CNTNAP2: variants seen among roughly 807,000 people sequenced by gnomAD.
The protein encoded by CNTNAP2 is contactin-associated protein-like 2.
CNTNAP2 carries 98 observed loss-of-function variants against 155.2 expected under a neutral mutation model. The ratio of observed to expected loss-of-function variants is 0.63; its 90% CI spans 0.54 to 0.75. CNTNAP2 has a LOEUF of 0.75. Among genes scored for constraint, CNTNAP2 ranks in the 30% least tolerant of loss-of-function variants. The pLI is 0.00. For missense variants in CNTNAP2, 1,727 were observed against 1,688.1 expected (o/e 1.02, Z -0.40); for synonymous variants, 651 against 631.2 (o/e 1.03, Z -0.47).
chr7:146,764,699 A>G (rs1180682609), intron 1 of CNTNAP2, among the ~76,000 whole-genome samples: 1 of 152,142 alleles, frequency 6.6e-6, no homozygotes, highest in Non-Finnish European at 1.5e-5. Flanking sequence ...GTACATGCAG[A>G]CCAGACAATT....
intron 4 of CNTNAP2, among the ~76,000 whole-genome samples, chr7:147,097,939 C>T (rs1170770613): frequency 6.6e-6 from 1 of 152,170 alleles, no homozygotes; most frequent in Non-Finnish European, 1.5e-5. Context: ...TCAGCCACAA[C>T]TGTAAATTTT....
intron 1 of CNTNAP2, among the ~76,000 whole-genome samples, chr7:146,387,355 T>G (rs1040326764): frequency 6.6e-6 from 1 of 152,080 alleles, no homozygotes; most frequent in African/African-American, 2.4e-5. Context: ...CTGCCCCAGG[T>G]GACTCACAGA....
At chr7:146,452,473 T>C (rs944477765) in intron 1 of CNTNAP2, among the ~76,000 whole-genome samples, 3 of 152,184 alleles carry the variant, frequency 2.0e-5, no homozygotes, top group African/African-American at 7.2e-5. Flanking sequence ...TACATTGAGG[T>C]ACGGTATAAA....
intron 8 of CNTNAP2, among the ~76,000 whole-genome samples, chr7:147,194,685 G>A (rs994003774): frequency 1.7e-4 from 26 of 152,088 alleles, no homozygotes; most frequent in Non-Finnish European, 2.4e-4. Flanking sequence ...GTGACGTTGA[G>A]CTTTTTTTCA....
chr7:147,607,740 A>G (rs1188451716), intron 12 of CNTNAP2, among the ~76,000 whole-genome samples: 3 of 152,188 alleles, frequency 2.0e-5, no homozygotes, highest in African/African-American at 7.2e-5. Context: ...AAAGCTTTTC[A>G]GGTAACGGTG....
At chr7:146,524,576 A>G (rs763250556) in intron 1 of CNTNAP2, among the ~76,000 whole-genome samples, 3 of 152,098 alleles carry the variant, frequency 2.0e-5, no homozygotes, top group Non-Finnish European at 4.4e-5. Context: ...TATGTTTCTC[A>G]ACATAAAATA....
intron 9 of CNTNAP2, among the ~76,000 whole-genome samples, chr7:147,302,166 G>C (rs1196318733): frequency 6.6e-6 from 1 of 152,186 alleles, no homozygotes; most frequent in African/African-American, 2.4e-5. Context: ...AATATGATTG[G>C]CTTATGGCCA....
chr7:147,985,115 AAAATAAATAAATAAAT>A (rs111265967), intron 15 of CNTNAP2, among the ~76,000 whole-genome samples: 1 of 145,472 alleles, frequency 6.9e-6, no homozygotes, highest in Non-Finnish European at 1.5e-5. Flanking sequence ...ACTCTGTCAA[AAAATAAATAAATAAAT>A]AAATAAATAA....
chr7:147,968,204 G>A (rs909753564), intron 14 of CNTNAP2, among the ~76,000 whole-genome samples: 13 of 152,248 alleles, frequency 8.5e-5, no homozygotes, highest in East Asian at 1.9e-4. Flanking sequence ...GCAAATCAAA[G>A]AAAAACGTTT....
intron 20 of CNTNAP2, among the ~76,000 whole-genome samples, chr7:148,265,599 G>A (rs1397813062): frequency 2.0e-5 from 3 of 152,098 alleles, no homozygotes; most frequent in Non-Finnish European, 2.9e-5. Flanking sequence ...TGCATTTGAC[G>A]TTATAGAAAA....
At chr7:147,824,933 G>T (rs1453242550) in intron 13 of CNTNAP2, among the ~76,000 whole-genome samples, 1 of 152,086 alleles carries the variant, frequency 6.6e-6, no homozygotes, top group Non-Finnish European at 1.5e-5. Context: ...AGAAAATTTT[G>T]CTTAACGTGG....
chr7:148,209,065 T>G (rs1795500030), intron 18 of CNTNAP2, among the ~76,000 whole-genome samples: 1 of 152,140 alleles, frequency 6.6e-6, no homozygotes, highest in Admixed American at 6.5e-5. Context: ...CAGACTTTTT[T>G]GGCTCTTTGA....
intron 1 of CNTNAP2, among the ~76,000 whole-genome samples, chr7:146,431,174 C>T (rs547120530): frequency 6.6e-6 from 1 of 152,080 alleles, no homozygotes; most frequent in South Asian, 2.1e-4. Flanking sequence ...CCAGGTAATA[C>T]ATATATTCTA....
At chr7:147,954,317 A>G (rs1054323164) in intron 14 of CNTNAP2, among the ~76,000 whole-genome samples, 1 of 152,206 alleles carries the variant, frequency 6.6e-6, no homozygotes, top group East Asian at 1.9e-4. Flanking sequence ...TTCAGATGTT[A>G]TGTTATTGCA....
intron 15 of CNTNAP2, among the ~76,000 whole-genome samples, chr7:148,025,953 G>A (rs369412827): frequency 2.0e-5 from 3 of 152,082 alleles, no homozygotes; most frequent in Non-Finnish European, 4.4e-5. Context: ...CTAATATATC[G>A]GTATGGGACA....
chr7:147,705,623 T>A (rs1796298550), intron 13 of CNTNAP2, among the ~76,000 whole-genome samples: 1 of 152,170 alleles, frequency 6.6e-6, no homozygotes, highest in South Asian at 2.1e-4. Flanking sequence ...TCTGTCTAGA[T>A]GATTTGTCTC....
chr7:148,236,702 T>C (rs1796046503), intron 20 of CNTNAP2, among the ~76,000 whole-genome samples: 1 of 151,924 alleles, frequency 6.6e-6, no homozygotes, highest in South Asian at 2.1e-4. Context: ...AAAAAAAAGG[T>C]TTAGTTGGCT....
intron 1 of CNTNAP2, among the ~76,000 whole-genome samples, chr7:146,595,930 G>T (rs1052135375): frequency 1.6e-4 from 24 of 151,944 alleles, no homozygotes; most frequent in African/African-American, 5.6e-4. Context: ...AATGGTAGTT[G>T]CTGAGGCCTT....
chr7:146,512,033 A>AT (rs550093699), intron 1 of CNTNAP2, among the ~76,000 whole-genome samples: 213 of 151,822 alleles, frequency 1.4e-3, no homozygotes, highest in African/African-American at 4.8e-3. Flanking sequence ...TTTTCTTTGA[A>AT]TTTTTTTGTT....
Sources: allele counts gnomAD v4.1 joint callset (sites outside exome capture counted in the v4.1 genomes callset), GRCh38; gene constraint gnomAD v4.1.1; transcripts MANE v1.5; gene names NCBI Gene and HGNC (gene_info 2026-07-23, HGNC 2026-07-21).